The following TPCN1 variants were observed in gnomAD, a reference collection of about 807,000 sequenced individuals.
TPCN1 encodes two pore channel protein 1.
Under a neutral mutation model 108.8 loss-of-function variants are expected in TPCN1, and 52 were observed. The observed-to-expected ratio is 0.48, with a 90% CI of 0.38 to 0.60. The LOEUF (loss-of-function observed/expected upper bound fraction) is 0.60, where lower values mean the gene tolerates loss of function less well. Ranked by LOEUF, TPCN1 falls within the 20% of genes least tolerant of loss-of-function variation. The pLI is 0.00. For synonymous variants in TPCN1, 446 were observed against 433.7 expected (o/e 1.03, Z -0.35); for missense variants, 806 against 1,072.8 (o/e 0.75, Z 3.47).
chr12:113,245,615 A>T lies in TPCN1; in HGVS notation c.113-14753A>T, dbSNP rs1390840701. Among the ~76,000 whole-genome samples the T allele has an allele frequency of 1.5e-4, 18 of 120,664 alleles. 1 individual carries two copies. Among genetic ancestry groups the T allele is most frequent in the African/African-American group, 5.2e-4 (15 of 28,690 alleles). The allele number at this position is 120,664 out of a possible 152,430, so 79.2% of individuals were successfully genotyped here. On this transcript the variant is annotated intron_variant, in intron 2 of 27. Coordinates refer to ENST00000335509, the MANE Select transcript of TPCN1 (RefSeq NM_017901.6). ...GACTCCGTCTCAAAAAAAAAAAAAA[A>T]AAAAAAGAAAAGAAAAGGGGTAGGC...
chr12:113,246,064 G>A (rs534978563), intron 2 of TPCN1: 1 of 455,894 alleles, frequency 2.2e-6, no homozygotes, highest in South Asian at 1.5e-5. Context: ...GTGCAAACAG[G>A]TCATTCTGGT....
intron 7 of TPCN1, among the ~76,000 whole-genome samples, chr12:113,270,588 C>T (rs1371687290): frequency 6.6e-6 from 1 of 151,718 alleles, no homozygotes; most frequent in Admixed American, 6.6e-5. Context: ...TCAAGTGATT[C>T]TCCTGCCTCA....
intron 4 of TPCN1, 134 bp from the exon 5 acceptor site, chr12:113,267,709 G>C (rs888929224): frequency 1.6e-6 from 1 of 629,758 alleles, no homozygotes; most frequent in Admixed American, 2.6e-5. Flanking sequence ...AGGCATGCGA[G>C]GCCAGGTTTT....
In TPCN1 at chr12:113,288,873, G is replaced by A. The variant is rs1275687790; in HGVS notation, c.1796+26G>A. ...GTGAGTAGGCCCCACCCAGCCCCAG[G>A]CAGCCTGCATTTCCCGGGCAGAGGG... On this transcript the variant is annotated intron_variant, in intron 21 of 27. Coordinates refer to ENST00000335509, the MANE Select transcript of TPCN1 (RefSeq NM_017901.6). The surrounding 1 kb of genome is among the most constrained non-coding windows in gnomAD (Gnocchi z 4.8). 7.4e-6 allele frequency: 12 copies of A among 1,611,182 alleles called. No homozygotes were observed. The highest frequency in any genetic ancestry group is 1.0e-5 in the Non-Finnish European group (12 of 1,178,616).
rs377524317 is a variant in TPCN1 at position 113,279,695 on chromosome 12, C to T, written c.1298-456C>T. Reference sequence around the variant, plus strand: ...CTGGGATTACAGGCGTGAGCCACTGCGCCCGACCCCGATAATATATTTTTG... The same window carrying T: ...CTGGGATTACAGGCGTGAGCCACTGTGCCCGACCCCGATAATATATTTTTG... On this transcript the variant is annotated intron_variant, in intron 14 of 27. Transcript: ENST00000335509. Among the ~76,000 whole-genome samples the T allele has an allele frequency of 2.7e-4, 41 of 152,090 alleles. No homozygotes were observed. The East Asian group carries it at 7.2e-3, about 27-fold the overall frequency.
At chr12:113,292,536 C>T in intron 25 of TPCN1, 1 of 198,134 alleles carries the variant, frequency 5.0e-6, no homozygotes, top group South Asian at 9.8e-5. Context: ...GTCAAGACTG[C>T]AGTGAGCCAT....
chr12:113,289,049 C>T lies in TPCN1; in HGVS notation c.1796+202C>T, dbSNP rs1351084798. ...CTCGGGGTCCCTGTTTCTCCATCCCCCAGGCAGGGTTGGGAGCTGTCAGCT... is the reference window on the plus strand; with the variant it reads ...CTCGGGGTCCCTGTTTCTCCATCCCTCAGGCAGGGTTGGGAGCTGTCAGCT... On this transcript the variant is annotated intron_variant, in intron 21 of 27. Coordinates refer to ENST00000335509, the MANE Select transcript of TPCN1 (RefSeq NM_017901.6). The surrounding 1 kb of genome is among the most constrained non-coding windows in gnomAD (Gnocchi z 4.1). Among the ~76,000 whole-genome samples the T allele has an allele frequency of 2.6e-5, 4 of 152,232 alleles. No individual in the cohort carries two copies. Among genetic ancestry groups the T allele is most frequent in the Admixed American group, 1.3e-4 (2 of 15,286 alleles).
intron 12 of TPCN1, 23 bp from the exon 13 acceptor site, chr12:113,278,166 C>A: frequency 6.2e-7 from 1 of 1,609,788 alleles, no homozygotes; most frequent in South Asian, 1.1e-5. Context: ...ATATTTTGTC[C>A]CTTTTTATTT....
In TPCN1 at chr12:113,265,970, G is replaced by A. The variant is rs372762265; in HGVS notation, c.238-210G>A. Among the ~76,000 whole-genome samples, 91 of 152,232 alleles carry A rather than the reference G, an allele frequency of 6.0e-4. 3 individuals carry two copies. The highest frequency in any genetic ancestry group is 6.8e-3 in the Middle Eastern group (2 of 294). ...TCCTCCGAGTGGTTTTTAAGAAGCA[G>A]CAAATCTCTTGAGCCCATCAGCAGG... On this transcript the variant is annotated intron_variant, in intron 3 of 27. Coordinates refer to ENST00000335509, the MANE Select transcript of TPCN1 (RefSeq NM_017901.6).
rs750749431 is a variant in TPCN1 at position 113,291,923 on chromosome 12, G to A, written c.2078G>A (p.Arg693Gln). The A allele has an allele frequency of 1.9e-6, 3 of 1,605,804 alleles. No individual in the cohort carries two copies. The highest frequency in any genetic ancestry group is 1.7e-6 in the Non-Finnish European group (2 of 1,175,502). The change falls in exon 25 of 28, where the codon CGA becomes CAA. Residue 693 changes from arginine to glutamine, a missense_variant. Physicochemically the swap from Arg to Gln is conservative, Grantham distance 43. Transcript: ENST00000335509. ...VAFILEAFVF[R>Q]MNYSRKNQDS... ...TTTATCCTCGAGGCCTTCGTCTTCC[G>A]AATGAACTACAGCCGCAAGAACCAG...
rs759535132 is a variant in TPCN1 at position 113,273,132 on chromosome 12, C to G, written c.784-100C>G. ...AGGGATTCCTTGAGAGATGCAAGAG[C>G]GGTCAAGGCAGGGCATGCCAGGTGG... On this transcript the variant is annotated intron_variant, in intron 8 of 27. Transcript: ENST00000335509. This position sits in a 1 kb window ranked among gnomAD's most constrained non-coding sequence, Gnocchi z 4.0. 8 of 1,013,644 alleles carry G rather than the reference C, an allele frequency of 7.9e-6. No individual in the cohort carries two copies. Among genetic ancestry groups the G allele is most frequent in the Non-Finnish European group, 1.3e-5 (8 of 635,896 alleles). 62.8% of individuals were successfully genotyped at this position (1,013,644 alleles called of 1,614,324 possible).
chr12:113,224,083 G>A (rs559363770), intron 1 of TPCN1, among the ~76,000 whole-genome samples: 14 of 152,310 alleles, frequency 9.2e-5, no homozygotes, highest in African/African-American at 3.4e-4. Context: ...ATATGAGCAA[G>A]TATATATTGA....
chr12:113,291,765 G>A (rs1956276993), intron 24 of TPCN1, 88 bp downstream of exon 24: 1 of 1,575,416 alleles, frequency 6.3e-7, no homozygotes, highest in African/African-American at 1.3e-5. Context: ...GTCAGGGAGT[G>A]GGGCTGGGTC....
chr12:113,258,742 C>A (rs1375672014), intron 2 of TPCN1, among the ~76,000 whole-genome samples: 5 of 151,968 alleles, frequency 3.3e-5, no homozygotes, highest in Non-Finnish European at 5.9e-5. Flanking sequence ...GCTTGTGCCG[C>A]TGTACTCCAT....
intron 2 of TPCN1, among the ~76,000 whole-genome samples, chr12:113,252,535 A>G (rs1423714847): frequency 1.3e-5 from 2 of 152,166 alleles, no homozygotes; most frequent in African/African-American, 4.8e-5. Context: ...TCTAGTGTCA[A>G]GTGGGAGGGT....
intron 2 of TPCN1, among the ~76,000 whole-genome samples, chr12:113,248,533 C>T (rs993914107): frequency 1.3e-5 from 2 of 152,212 alleles, no homozygotes; most frequent in African/African-American, 4.8e-5. Flanking sequence ...AGGGTAGCCT[C>T]TGATAAAATG....
chr12:113,266,322 C>A lies in TPCN1; in HGVS notation c.380C>A (p.Ala127Asp). The A allele has an allele frequency of 6.2e-7, 1 of 1,610,302 alleles. No homozygotes were observed. The highest frequency in any genetic ancestry group is 8.5e-7 in the Non-Finnish European group (1 of 1,180,008). Residue 127 changes from alanine to aspartate, a missense_variant, in exon 4 of 28, where the codon GCC (alanine) becomes GAC (aspartate). Physicochemically the swap from Ala to Asp is moderately radical, Grantham distance 126 (BLOSUM62 -2). Coordinates refer to ENST00000335509, the MANE Select transcript of TPCN1 (RefSeq NM_017901.6). This position sits in a 1 kb window ranked among gnomAD's most constrained non-coding sequence, Gnocchi z 4.2. ...LLLLLLSLCE[A>D]PAVPALRLGI... ...CTGCTGCTGCTCTCCCTGTGCGAGG[C>A]CCCCGCCGTCCCCGCACTCCGGCTT...
chr12:113,288,990 A>G lies in TPCN1; in HGVS notation c.1796+143A>G. 1 of 767,010 alleles carries G rather than the reference A, an allele frequency of 1.3e-6. No individual in the cohort carries two copies. Among genetic ancestry groups the G allele is most frequent in the Non-Finnish European group, 2.2e-6 (1 of 459,602 alleles). The allele number at this position is 767,010 out of a possible 1,614,324, so 47.5% of individuals were successfully genotyped here. A position where few individuals can be genotyped will look rare whatever the true frequency, so the allele number is the denominator to read the frequency against. On this transcript the variant is annotated intron_variant, in intron 21 of 27. Transcript: ENST00000335509. This position sits in a 1 kb window ranked among gnomAD's most constrained non-coding sequence, Gnocchi z 4.8. ...CCACCTTGCTTTGCTTTCAGGGCTTAGTTGAGTGCAGTGAGCTAAATGAGG... is the reference window on the plus strand; with the variant it reads ...CCACCTTGCTTTGCTTTCAGGGCTTGGTTGAGTGCAGTGAGCTAAATGAGG...
chr12:113,278,098 T>C, intron 12 of TPCN1, 91 bp from the exon 13 acceptor site: 1 of 1,073,810 alleles, frequency 9.3e-7, no homozygotes, highest in Non-Finnish European at 1.4e-6. Context: ...CCTCACCCCA[T>C]AAAGGTGTCC....
Sources: allele counts gnomAD v4.1 joint callset (sites outside exome capture counted in the v4.1 genomes callset), GRCh38; gene constraint gnomAD v4.1.1; non-coding constraint Gnocchi (gnomAD v3.1); transcripts MANE v1.5; gene names NCBI Gene and HGNC (gene_info 2026-07-23, HGNC 2026-07-21).